Variants in HTR1F observed in about 807,000 individuals in gnomAD.
HTR1F encodes the protein 5-hydroxytryptamine (serotonin) receptor 1F, G protein-coupled.
HTR1F carries 17 observed loss-of-function variants against 24.0 expected under a neutral mutation model. That is an observed-to-expected ratio of 0.71 (90% CI 0.48 to 1.06). The LOEUF (loss-of-function observed/expected upper bound fraction) is 1.06. Among genes scored for constraint, HTR1F ranks in the 50% least tolerant of loss-of-function variants. HTR1F has a pLI of 0.00. For missense variants in HTR1F, 391 were observed against 427.8 expected, an observed-to-expected ratio of 0.91 and a Z score of 0.76; for synonymous variants, 186 against 156.8, an observed-to-expected ratio of 1.19 and a Z score of -1.39.
chr3:87,893,954 T>A (rs1706141462), intron 2 of HTR1F, among the ~76,000 whole-genome samples: 1 of 152,188 alleles, frequency 6.6e-6, no homozygotes, highest in Non-Finnish European at 1.5e-5. Context: ...TACCTAAATT[T>A]TGTGAGTTGT....
At position 87,880,703 on chromosome 3, in the gene HTR1F, G is replaced by A. The variant is rs558827110; in HGVS notation, c.-43+58579G>A. On this transcript the variant is annotated intron_variant, in intron 2 of 2. Transcript: ENST00000319595. ...ATTGATGAGTATGTCCATATATGGC[G>A]GGGCGGGGAGAGAGAGACAGAAGCT... Among the ~76,000 whole-genome samples, 17 of 151,630 alleles carry A rather than the reference G, an allele frequency of 1.1e-4. No homozygotes were observed. In the South Asian group the frequency reaches 2.9e-3, roughly 26 times the overall value.
At chr3:87,955,798 C>T (rs530748364) in intron 2 of HTR1F, among the ~76,000 whole-genome samples, 1 of 151,462 alleles carries the variant, frequency 6.6e-6, no homozygotes, top group Non-Finnish European at 1.5e-5. Flanking sequence ...GTGATGTTGA[C>T]CATATTCCCT....
At chr3:87,950,110 A>G (rs1454860933) in intron 2 of HTR1F, among the ~76,000 whole-genome samples, 4 of 152,168 alleles carry the variant, frequency 2.6e-5, no homozygotes, top group Admixed American at 2.6e-4. Context: ...GAACTAATTC[A>G]TTCCCTTGAG....
chr3:87,816,334 T>C (rs1704249905), intron 1 of HTR1F, among the ~76,000 whole-genome samples: 2 of 152,158 alleles, frequency 1.3e-5, no homozygotes, highest in Non-Finnish European at 2.9e-5. Flanking sequence ...ATTTTAAGCA[T>C]TCTTTCTGTG....
At chr3:87,916,860 G>C (rs893749223) in intron 2 of HTR1F, among the ~76,000 whole-genome samples, 7 of 151,976 alleles carry the variant, frequency 4.6e-5, no homozygotes, top group African/African-American at 1.4e-4. Flanking sequence ...CTGGAACAAA[G>C]GGACTTAACA....
rs1436332863 is a variant in HTR1F at position 87,792,721 on chromosome 3, G to T, written c.-281G>T. Among the ~76,000 whole-genome samples the T allele has an allele frequency of 6.6e-6, 1 of 152,214 alleles. No individual in the cohort carries two copies. Among genetic ancestry groups the T allele is most frequent in the Non-Finnish European group, 1.5e-5 (1 of 68,036 alleles). On this transcript the variant is annotated 5_prime_UTR_variant, in exon 1 of 3. Transcript: ENST00000319595. Reference sequence around the variant, plus strand: ...TCCCCAGCGCGCAGTCAGCGTCGCGGCCCCGAAAGCTGGCGACAGGCGCTG... The same window carrying T: ...TCCCCAGCGCGCAGTCAGCGTCGCGTCCCCGAAAGCTGGCGACAGGCGCTG...
At chr3:87,977,544 A>G (rs958498639) in intron 2 of HTR1F, among the ~76,000 whole-genome samples, 55 of 148,970 alleles carry the variant, frequency 3.7e-4, no homozygotes, top group African/African-American at 1.3e-3. Flanking sequence ...GACTACAGGC[A>G]CCCGCCAGCA....
At chr3:87,978,861 G>A (rs1303684698) in intron 2 of HTR1F, among the ~76,000 whole-genome samples, 2 of 121,078 alleles carry the variant, frequency 1.7e-5, no homozygotes, top group African/African-American at 3.0e-5. Context: ...GGAGTGGAAA[G>A]AAGGATGGAA....
Position 87,984,832 on chromosome 3 carries a change from A to G in HTR1F, c.-42-5876A>G, listed in dbSNP as rs186881483. On this transcript the variant is annotated intron_variant, in intron 2 of 2. Coordinates refer to ENST00000319595, the MANE Select transcript of HTR1F (RefSeq NM_001322209.2). ...TCACTAAAAAAGTTCTTAAAGGAAT[A>G]AATGAAAGCAAAGAAATATAAGAGC... is the stretch of plus-strand genomic sequence containing the variant. Among the ~76,000 whole-genome samples the G allele has an allele frequency of 6.7e-3, 1,026 of 152,344 alleles. 5 individuals are homozygous for G. Among genetic ancestry groups the G allele is most frequent in the South Asian group, 0.013 (62 of 4,830 alleles).
At chr3:87,969,624 G>A (rs577548510) in intron 2 of HTR1F, among the ~76,000 whole-genome samples, 11 of 152,254 alleles carry the variant, frequency 7.2e-5, no homozygotes, top group African/African-American at 2.2e-4. Context: ...GCTCACAGGC[G>A]GAAGGGACTT....
intron 2 of HTR1F, among the ~76,000 whole-genome samples, chr3:87,970,426 T>G (rs1381911195): frequency 6.6e-6 from 1 of 152,194 alleles, no homozygotes; most frequent in Non-Finnish European, 1.5e-5. Context: ...AAACTACACT[T>G]TGAAAATTGC....
intron 2 of HTR1F, among the ~76,000 whole-genome samples, chr3:87,836,078 C>A (rs1575924761): frequency 1.3e-5 from 2 of 152,172 alleles, no homozygotes; most frequent in African/African-American, 2.4e-5. Context: ...GAGATATCAT[C>A]CATTTATTTT....
At chr3:87,895,559 C>T (rs1249600195) in intron 2 of HTR1F, among the ~76,000 whole-genome samples, 6 of 152,094 alleles carry the variant, frequency 3.9e-5, no homozygotes, top group East Asian at 3.9e-4. Context: ...CTATTAGGAA[C>T]GATTTCCTCA....
chr3:87,897,066 T>C (rs576638157), intron 2 of HTR1F, among the ~76,000 whole-genome samples: 1 of 152,156 alleles, frequency 6.6e-6, no homozygotes, highest in East Asian at 1.9e-4. Flanking sequence ...GGATATATAT[T>C]CAAAGGAAAT....
intron 2 of HTR1F, among the ~76,000 whole-genome samples, chr3:87,871,841 T>A (rs1705565447): frequency 6.6e-6 from 1 of 151,972 alleles, no homozygotes; most frequent in African/African-American, 2.4e-5. Context: ...CTTACAACAA[T>A]AGGTCAAACA....
At chr3:87,881,133 C>T (rs1705786542) in intron 2 of HTR1F, among the ~76,000 whole-genome samples, 2 of 152,206 alleles carry the variant, frequency 1.3e-5, no homozygotes, top group Admixed American at 6.5e-5. Context: ...GGCATTGCCT[C>T]ACCTGGGAAG....
At chr3:87,905,607 T>C (rs536480931) in intron 2 of HTR1F, among the ~76,000 whole-genome samples, 1 of 152,114 alleles carries the variant, frequency 6.6e-6, no homozygotes, top group Non-Finnish European at 1.5e-5. Context: ...TGAGACATAC[T>C]TTTTGAAATG....
intron 2 of HTR1F, among the ~76,000 whole-genome samples, chr3:87,822,959 A>G (rs1451666310): frequency 6.6e-6 from 1 of 152,194 alleles, no homozygotes; most frequent in African/African-American, 2.4e-5. Context: ...AATAATATTT[A>G]CCTTCCCAAT....
chr3:87,988,453 G>A (rs1473067557), intron 2 of HTR1F, among the ~76,000 whole-genome samples: 1 of 152,170 alleles, frequency 6.6e-6, no homozygotes, highest in East Asian at 1.9e-4. Context: ...GTGAATGTCT[G>A]AAGAGAAAAA....
Sources: allele counts gnomAD v4.1 joint callset (sites outside exome capture counted in the v4.1 genomes callset), GRCh38; gene constraint gnomAD v4.1.1; transcripts MANE v1.5; gene names NCBI Gene and HGNC (gene_info 2026-07-23, HGNC 2026-07-21).